Variants in NCOR1 observed in about 807,000 individuals in gnomAD.
NCOR1 encodes the protein protein phosphatase 1, regulatory subunit 109.
A neutral mutation model predicts 288.1 loss-of-function variants in NCOR1; 63 were observed. The observed-to-expected ratio is 0.22, with a 90% confidence interval of 0.18 to 0.27. The LOEUF is 0.27. Among genes scored for constraint, NCOR1 ranks in the 10% least tolerant of loss-of-function variants. The probability of loss-of-function intolerance (pLI) is 1.00; values close to 1 mark genes in which losing one functional copy is unlikely to be tolerated. For missense variants in NCOR1, 2,397 were observed against 3,019.2 expected, an observed-to-expected ratio of 0.79 and a Z score of 4.83; for synonymous variants, 1,007 against 1,065.9, an observed-to-expected ratio of 0.94 and a Z score of 1.08.
chr17:16,079,484 G>A (rs1424154500), intron 26 of NCOR1, among the ~76,000 whole-genome samples: 1 of 152,148 alleles, frequency 6.6e-6, no homozygotes, highest in East Asian at 1.9e-4. Context: ...AATTGGTGAT[G>A]TATTTAGCCC....
At chr17:16,076,830 C>T (rs2062531229) in intron 26 of NCOR1, among the ~76,000 whole-genome samples, 1 of 152,182 alleles carries the variant, frequency 6.6e-6, no homozygotes, top group South Asian at 2.1e-4. Flanking sequence ...CTACAGCTTT[C>T]CGAATCCCGG....
chr17:16,171,917 C>T lies in NCOR1; in HGVS notation c.321G>A (p.Lys107=), dbSNP rs376695361. ...CAGAAACCTGTTCCAGACGTGGTCG[C>T]TTCGATTCCAGTGAATCATGATCCA... ...SPVDHDSLES[K]RPRLEQVSDS... is the part of the protein sequence containing the mutation. Residue 107 remains lysine, a synonymous_variant, in exon 4 of 46, where the codon AAG becomes AAA. Transcript: ENST00000268712. 6.5e-5 allele frequency: 105 copies of T among 1,612,788 alleles called. 2 individuals carry two copies. The highest frequency in any genetic ancestry group is 2.8e-4 in the Admixed American group (17 of 59,848).
chr17:16,208,705 C>T, intron 1 of NCOR1, among the ~76,000 whole-genome samples: 1 of 151,900 alleles, frequency 6.6e-6, no homozygotes, highest in East Asian at 1.9e-4. Context: ...AAAAATTGAC[C>T]AGGTGTGGTG....
At chr17:16,093,915 G>C (rs1450537246) in intron 21 of NCOR1, among the ~76,000 whole-genome samples, 1 of 151,798 alleles carries the variant, frequency 6.6e-6, no homozygotes, top group Non-Finnish European at 1.5e-5. Flanking sequence ...TTTTTTTAAT[G>C]CCTTTTTTTT....
chr17:16,149,190 T>C (rs1158859197), intron 9 of NCOR1, among the ~76,000 whole-genome samples: 1 of 151,630 alleles, frequency 6.6e-6, no homozygotes. Flanking sequence ...CCGTTTTATT[T>C]TGACTAAATG....
chr17:16,095,094 G>C (rs1333661538), intron 21 of NCOR1, among the ~76,000 whole-genome samples: 2 of 151,220 alleles, frequency 1.3e-5, no homozygotes, highest in Admixed American at 1.3e-4. Flanking sequence ...GTCTCTGCCC[G>C]GCCGCCATCC....
Position 16,034,848 on chromosome 17 carries a change from G to T in NCOR1, c.7052C>A (p.Ser2351Tyr), listed in dbSNP as rs772551755. The T allele has an allele frequency of 6.2e-7, 1 of 1,614,136 alleles. No homozygotes were observed. Among genetic ancestry groups the T allele is most frequent in the Non-Finnish European group, 8.5e-7 (1 of 1,180,016 alleles). Residue 2351 changes from serine (S) to tyrosine (Y), a missense_variant, in exon 45 of 46, where the codon TCT (serine) becomes TAT (tyrosine). Coordinates refer to ENST00000268712, the MANE Select transcript of NCOR1 (RefSeq NM_006311.4). ...TTCTGAATGTACAGAGGAGACTGAA[G>T]AGGGCCGTTCCGTTCCTAAGTAGCC... ...GQGYLGTERP[S>Y]SVSSVHSEGD...
intron 16 of NCOR1, 60 bp downstream of exon 16, chr17:16,120,992 G>A: frequency 7.0e-7 from 1 of 1,434,178 alleles, no homozygotes; most frequent in Non-Finnish European, 9.7e-7. Context: ...CCCTATCCTA[G>A]CAGTGAAACA....
chr17:16,207,962 G>A (rs1012915748), intron 1 of NCOR1, among the ~76,000 whole-genome samples: 2 of 148,854 alleles, frequency 1.3e-5, no homozygotes, highest in African/African-American at 2.5e-5. Context: ...TATAAAACTA[G>A]TCGATATTAT....
Position 16,114,160 on chromosome 17 carries a change from A to ACAAAAAAC in NCOR1, c.2055+3727_2055+3728insGTTTTTTG, listed in dbSNP as rs1555667909. On this transcript the variant is annotated intron_variant, in intron 18 of 45. Coordinates refer to ENST00000268712, the MANE Select transcript of NCOR1 (RefSeq NM_006311.4). ...GCGGCAGGCAAAAAAAAAAAAAAAAAAAAAAAAAACTTGTGCAGGGGAACT... is the reference window on the plus strand; with the variant it reads ...GCGGCAGGCAAAAAAAAAAAAAAAAACAAAAAACAAAAAAAAACTTGTGCAGGGGAACT... 4.4e-4 allele frequency among the ~76,000 whole-genome samples: 47 copies of ACAAAAAAC among 106,924 alleles called. 2 individuals are homozygous for ACAAAAAAC. Among genetic ancestry groups the ACAAAAAAC allele is most frequent in the Non-Finnish European group, 7.1e-4 (35 of 49,456 alleles). 70.1% of individuals were successfully genotyped at this position (106,924 alleles called of 152,430 possible).
chr17:16,033,920 C>G (rs768715204), intron 45 of NCOR1, among the ~76,000 whole-genome samples: 9 of 151,700 alleles, frequency 5.9e-5, no homozygotes, highest in Non-Finnish European at 1.2e-4. Context: ...ATTCTCCCAC[C>G]TCTGACCTCA....
At chr17:16,095,023 C>T (rs1363968987) in intron 21 of NCOR1, among the ~76,000 whole-genome samples, 1 of 151,776 alleles carries the variant, frequency 6.6e-6, no homozygotes, top group Non-Finnish European at 1.5e-5. Context: ...TGCCTGGCCG[C>T]CCACCGTCTG....
chr17:16,076,782 T>C (rs1355795454), intron 26 of NCOR1, among the ~76,000 whole-genome samples: 2 of 152,060 alleles, frequency 1.3e-5, no homozygotes, highest in African/African-American at 4.8e-5. Context: ...AAGCCAAACT[T>C]GCACCAAAAA....
chr17:16,132,049 ATCTT>A (rs911394519), intron 14 of NCOR1, among the ~76,000 whole-genome samples: 1 of 152,210 alleles, frequency 6.6e-6, no homozygotes, highest in Admixed American at 6.5e-5. Context: ...GTCTAAAATA[ATCTT>A]TCTATCTAGT....
intron 22 of NCOR1, among the ~76,000 whole-genome samples, chr17:16,089,327 C>CT (rs2064793951): frequency 6.6e-6 from 1 of 152,148 alleles, no homozygotes; most frequent in South Asian, 2.1e-4. Context: ...AATTCTAACT[C>CT]TACCTCCATA....
intron 1 of NCOR1, among the ~76,000 whole-genome samples, chr17:16,196,150 A>C (rs990374378): frequency 6.7e-6 from 1 of 149,224 alleles, no homozygotes; most frequent in African/African-American, 2.4e-5. Flanking sequence ...TAAAAATATA[A>C]CATATATAAT....
intron 8 of NCOR1, chr17:16,151,665 G>GC: frequency 2.9e-6 from 4 of 1,378,412 alleles, no homozygotes; most frequent in Non-Finnish European, 3.9e-6. Flanking sequence ...CTCAAGGTAA[G>GC]CCATTTCAAT....
At chr17:16,084,245 G>A (rs2063862498) in intron 23 of NCOR1, 1 of 152,204 alleles carries the variant, frequency 6.6e-6, no homozygotes, top group East Asian at 1.9e-4. Context: ...TTTTCCAAAG[G>A]GTATTTGAAA....
At position 16,086,836 on chromosome 17, in the gene NCOR1, T is replaced by C. The variant is rs190156898; in HGVS notation, c.3017-394A>G. ...ACTGACAACCAGTTATACATCCTTT[T>C]TGCATCTTGCATATTGAGAAACACT... On this transcript the variant is annotated intron_variant, in intron 22 of 45. Transcript: ENST00000268712. 1.4e-3 allele frequency among the ~76,000 whole-genome samples: 219 copies of C among 152,336 alleles called. 2 individuals are homozygous for C. Among genetic ancestry groups the C allele is most frequent in the African/African-American group, 4.8e-3 (198 of 41,568 alleles).
Sources: gnomAD v4.1 joint callset for allele counts (sites outside exome capture counted in the v4.1 genomes callset) on GRCh38, gnomAD v4.1.1 for gene constraint, MANE v1.5 for transcripts, NCBI Gene and HGNC (gene_info 2026-07-23, HGNC 2026-07-21) for gene names.